The following PTPRG variants were observed in gnomAD, a reference collection of about 807,000 sequenced individuals.
The protein encoded by PTPRG is receptor-type tyrosine-protein phosphatase gamma.
Under a neutral mutation model 165.3 loss-of-function variants are expected in PTPRG, and 102 were observed. That is an observed-to-expected ratio of 0.62 (90% CI 0.53 to 0.73). The LOEUF (loss-of-function observed/expected upper bound fraction) is 0.73, where lower values mean the gene tolerates loss of function less well. Ranked by LOEUF, PTPRG falls within the 30% of genes least tolerant of loss-of-function variation. The pLI is 0.00. For synonymous variants in PTPRG, 675 were observed against 669.5 expected (o/e 1.01, Z -0.13); for missense variants, 1,866 against 1,861.4 (o/e 1.00, Z -0.05).
chr3:62,203,658 G>A lies in PTPRG; in HGVS notation c.1863G>A (p.Thr621=), dbSNP rs770214603. 24 of 1,562,352 alleles carry A rather than the reference G, an allele frequency of 1.5e-5. No individual in the cohort carries two copies. In the South Asian group the frequency reaches 1.8e-4, roughly 11 times the overall value. The change falls in exon 12 of 30, where the codon ACG becomes ACA. Residue 621 remains threonine (T), a synonymous_variant. Coordinates refer to ENST00000474889, the MANE Select transcript of PTPRG (RefSeq NM_002841.4). This position sits in a 1 kb window ranked among gnomAD's most constrained non-coding sequence, Gnocchi z 6.4. ...ACGCTGCCGAGGAGCGGAATCAGAC[G>A]GAGCCCAGCCCCACACCCTCGTCTC... The part of the protein sequence containing the change: ...VTHAAEERNQ[T]EPSPTPSSPN...
chr3:61,589,028 G>A (rs2106817037), intron 1 of PTPRG, among the ~76,000 whole-genome samples: 1 of 152,216 alleles, frequency 6.6e-6, no homozygotes, highest in East Asian at 1.9e-4. Flanking sequence ...CACCCAGTCT[G>A]GCCCACTGCC....
chr3:62,150,692 A>G (rs1377826212), intron 6 of PTPRG, among the ~76,000 whole-genome samples: 1 of 152,194 alleles, frequency 6.6e-6, no homozygotes, highest in African/African-American at 2.4e-5. Flanking sequence ...GTTGTGGGAA[A>G]CCCTGAAGAA....
intron 4 of PTPRG, among the ~76,000 whole-genome samples, chr3:62,042,479 C>G (rs1700159397): frequency 2.6e-5 from 4 of 152,184 alleles, no homozygotes; most frequent in Admixed American, 2.0e-4. Flanking sequence ...ATCTCTGATT[C>G]CAGGTCTCAC....
intron 2 of PTPRG, among the ~76,000 whole-genome samples, chr3:61,926,540 TTCTTC>T (rs934314848): frequency 5.3e-5 from 8 of 150,064 alleles, no homozygotes; most frequent in Non-Finnish European, 7.4e-5. Context: ...TAAACCTCTT[TTCTTC>T]ATAAATTACT....
intron 1 of PTPRG, among the ~76,000 whole-genome samples, chr3:61,707,333 T>C (rs190446549): frequency 7.9e-5 from 12 of 152,318 alleles, no homozygotes; most frequent in Admixed American, 4.6e-4. Flanking sequence ...TTATAACAAA[T>C]TGGCTCATCG....
chr3:61,659,954 C>T (rs545902992), intron 1 of PTPRG, among the ~76,000 whole-genome samples: 4 of 152,152 alleles, frequency 2.6e-5, no homozygotes, highest in South Asian at 2.1e-4. Context: ...TGGCCGGGCG[C>T]GGTGGCTCAC....
intron 4 of PTPRG, among the ~76,000 whole-genome samples, chr3:62,058,395 G>A (rs1436559116): frequency 1.3e-5 from 2 of 151,700 alleles, no homozygotes; most frequent in Admixed American, 1.3e-4. Flanking sequence ...TGTCTGAAAC[G>A]CCTAACCTCA....
chr3:62,100,180 G>A (rs1033176880), intron 5 of PTPRG, among the ~76,000 whole-genome samples: 1 of 152,004 alleles, frequency 6.6e-6, no homozygotes, highest in Non-Finnish European at 1.5e-5. Context: ...CACAACTGCT[G>A]TTTACCCCAA....
At chr3:61,575,648 C>G (rs1251738831) in intron 1 of PTPRG, among the ~76,000 whole-genome samples, 1 of 140,952 alleles carries the variant, frequency 7.1e-6, no homozygotes, top group Non-Finnish European at 1.5e-5. Flanking sequence ...GTCACCCAGA[C>G]TGTTCAGTGG....
intron 2 of PTPRG, among the ~76,000 whole-genome samples, chr3:61,962,455 A>T (rs551043171): frequency 6.6e-6 from 1 of 152,340 alleles, no homozygotes; most frequent in Non-Finnish European, 1.5e-5. Flanking sequence ...TGGGAATTAC[A>T]TAACCTATGG....
chr3:61,848,688 A>G (rs1456675116), intron 2 of PTPRG, among the ~76,000 whole-genome samples: 1 of 152,156 alleles, frequency 6.6e-6, no homozygotes, highest in Non-Finnish European at 1.5e-5. Context: ...CTCTTCCCTA[A>G]ATTGCTCAGT....
At chr3:61,958,295 T>G (rs2040078877) in intron 2 of PTPRG, among the ~76,000 whole-genome samples, 1 of 151,970 alleles carries the variant, frequency 6.6e-6, no homozygotes, top group African/African-American at 2.4e-5. Flanking sequence ...CCAGGCTAGT[T>G]CTTTTTGTAT....
intron 1 of PTPRG, among the ~76,000 whole-genome samples, chr3:61,620,098 A>G (rs577864731): frequency 5.9e-5 from 9 of 152,166 alleles, no homozygotes; most frequent in Non-Finnish European, 1.2e-4. Context: ...GAGTAGAATA[A>G]TAAAAGGACT....
At chr3:62,290,962 G>A (rs558039346) in intron 28 of PTPRG, among the ~76,000 whole-genome samples, 50 of 152,104 alleles carry the variant, frequency 3.3e-4, no homozygotes, top group African/African-American at 1.2e-3. Flanking sequence ...CACAAACAAT[G>A]TTAAGAGAAA....
chr3:61,701,383 A>T (rs1410900547), intron 1 of PTPRG, among the ~76,000 whole-genome samples: 1 of 151,992 alleles, frequency 6.6e-6, no homozygotes, highest in Non-Finnish European at 1.5e-5. Flanking sequence ...TAATTTTCAG[A>T]TCTCTGGTAG....
At chr3:61,819,367 A>C (rs1207485532) in intron 2 of PTPRG, among the ~76,000 whole-genome samples, 1 of 152,144 alleles carries the variant, frequency 6.6e-6, no homozygotes, top group Non-Finnish European at 1.5e-5. Context: ...AATGATTGCT[A>C]ATTGTTCTTT....
intron 2 of PTPRG, among the ~76,000 whole-genome samples, chr3:61,834,257 A>G (rs2036395336): frequency 6.6e-6 from 1 of 152,184 alleles, no homozygotes; most frequent in Non-Finnish European, 1.5e-5. Flanking sequence ...TGGTCTCAGA[A>G]TCATCTGGAA....
intron 19 of PTPRG, among the ~76,000 whole-genome samples, chr3:62,268,605 C>T (rs1028024293): frequency 6.6e-6 from 1 of 152,086 alleles, no homozygotes; most frequent in Non-Finnish European, 1.5e-5. Flanking sequence ...TTTTGATGAT[C>T]CAAGTTACAA....
chr3:61,748,013 A>G (rs537972310), intron 1 of PTPRG, among the ~76,000 whole-genome samples: 1 of 152,350 alleles, frequency 6.6e-6, no homozygotes, highest in South Asian at 2.1e-4. Flanking sequence ...TTTGAACGCT[A>G]TAGCAGGCAG....
Sources: gnomAD v4.1 joint callset for allele counts (sites outside exome capture counted in the v4.1 genomes callset) on GRCh38, gnomAD v4.1.1 for gene constraint, Gnocchi (gnomAD v3.1) non-coding constraint, MANE v1.5 for transcripts, NCBI Gene and HGNC (gene_info 2026-07-23, HGNC 2026-07-21) for gene names.